Variants in EFCAB14 observed in about 807,000 individuals in gnomAD.
EFCAB14 encodes the protein EF-hand calcium binding domain 14, also known as EF-hand calcium-binding domain-containing protein 14.
A neutral mutation model predicts 56.5 loss-of-function variants in EFCAB14; 43 were observed. The observed-to-expected ratio is 0.76, with a 90% confidence interval of 0.60 to 0.98. The LOEUF is 0.98. Among genes scored for constraint, EFCAB14 ranks in the 50% least tolerant of loss-of-function variants. The probability of loss-of-function intolerance (pLI) is 0.00; values close to 1 mark genes in which losing one functional copy is unlikely to be tolerated. For synonymous variants in EFCAB14, 235 were observed against 212.9 expected (o/e 1.10, Z -0.90); for missense variants, 538 against 580.3 (o/e 0.93, Z 0.75).
chr1:46,677,415 T>C lies in EFCAB14; in HGVS notation c.*1046A>G, dbSNP rs1054592128. 2 of 152,142 alleles carry C rather than the reference T, an allele frequency of 1.3e-5. No homozygotes were observed. The highest frequency in any genetic ancestry group is 2.9e-5 in the Non-Finnish European group (2 of 68,024). 9.4% of individuals were successfully genotyped at this position (152,142 alleles called of 1,614,324 possible). A position where few individuals can be genotyped will look rare whatever the true frequency, so the allele number is the denominator to read the frequency against. On this transcript the variant is annotated 3_prime_UTR_variant, in exon 11 of 11. Coordinates refer to ENST00000371933, the MANE Select transcript of EFCAB14 (RefSeq NM_014774.3). ...ACATATTAGGCTCTTGGTTAGCCTC[T>C]AGGTAAAATCTCAAGGGGTATGGTT...
In EFCAB14 at chr1:46,691,924, A is replaced by G. The variant is rs1357756049; in HGVS notation, c.593T>C (p.Ile198Thr). The G allele has an allele frequency of 5.6e-6, 9 of 1,613,038 alleles. No individual in the cohort carries two copies. The highest frequency in any genetic ancestry group is 1.7e-5 in the Admixed American group (1 of 59,848). Residue 198 changes from isoleucine to threonine, a missense_variant, in exon 5 of 11, where the codon ATT (isoleucine) becomes ACT (threonine). Physicochemically the swap from Ile to Thr is moderately conservative, Grantham distance 89 (BLOSUM62 -1). Transcript: ENST00000371933. ...ATGGACGCTGTTTAAAGTATTGCCA[A>G]TGGAAGCTACACTCTGAATGGAAAC... ...VEGLQKSVAS[I>T]GNTLNSVHLA...
rs1557437331 is a variant in EFCAB14 at position 46,678,366 on chromosome 1, T to TTGGAGGAC, written c.*87_*94dup. The TTGGAGGAC allele has an allele frequency of 3.0e-6, 4 of 1,343,356 alleles. No homozygotes were observed. The African/African-American group carries it at 5.9e-5, about 20-fold the overall frequency. The allele number at this position is 1,343,356 out of a possible 1,614,324, so 83.2% of individuals were successfully genotyped here. The stretch of plus-strand genomic sequence containing the variant: ...GTGGCAAAGTATCTGCTACAGTAGT[T>TTGGAGGAC]TGGAGGACTAGAGGACTGATGGGTA... On this transcript the variant is annotated 3_prime_UTR_variant, in exon 11 of 11. Transcript: ENST00000371933.
At chr1:46,705,231 T>A (rs535997811) in intron 3 of EFCAB14, among the ~76,000 whole-genome samples, 3 of 152,350 alleles carry the variant, frequency 2.0e-5, no homozygotes, top group South Asian at 4.1e-4. Context: ...ACCAATGCTC[T>A]GGGCCTGCGC....
intron 2 of EFCAB14, among the ~76,000 whole-genome samples, chr1:46,713,837 A>G (rs944105348): frequency 5.9e-5 from 9 of 152,210 alleles, no homozygotes; most frequent in African/African-American, 2.2e-4. Flanking sequence ...ACTGTTTCTG[A>G]GAACCTAATT....
At chr1:46,679,599 GT>G (rs60875639) in intron 10 of EFCAB14, among the ~76,000 whole-genome samples, 5 of 36,520 alleles carry the variant, frequency 1.4e-4, no homozygotes, top group African/African-American at 2.1e-4. Context: ...CACCACGCCT[GT>G]TTTTTTTTTT....
rs60875639 is a variant in EFCAB14 at position 46,679,599 on chromosome 1, GTTTTTTTTTTTTTTTTT to G, written c.1313-980_1313-964del. On this transcript the variant is annotated intron_variant, in intron 10 of 10. Coordinates refer to ENST00000371933, the MANE Select transcript of EFCAB14 (RefSeq NM_014774.3). ...ATTATAGGCGTGAACCACCACGCCT[GTTTTTTTTTTTTTTTTT>G]TTTTTTTTTTTTTTGGTGGAGTCTT... Among the ~76,000 whole-genome samples the G allele has an allele frequency of 2.2e-4, 8 of 36,494 alleles. 1 individual carries two copies. The highest frequency in any genetic ancestry group is 7.5e-4 in the African/African-American group (7 of 9,382). The allele number at this position is 36,494 out of a possible 152,430, so 23.9% of individuals were successfully genotyped here.
chr1:46,717,841 T>C (rs1677421360), intron 1 of EFCAB14, 62 bp downstream of exon 1: 2 of 1,537,602 alleles, frequency 1.3e-6, no homozygotes, highest in South Asian at 2.3e-5. Flanking sequence ...TTCCTGTCAA[T>C]GTGGCCCCTT....
rs374519800 is a variant in EFCAB14, at chr1:46,684,573, G to A, written c.1104C>T (p.Ser368=). Residue 368 remains serine (S), a synonymous_variant, in exon 9 of 11, where the codon TCC becomes TCT. Transcript: ENST00000371933. ...KKEDSSNSQV[S]KLREKLQLIS... ...TCAGCTGGAGTTTCTCTCTTAGCTT[G>A]GATACCTGAGAATTTGAACTATCTT... 1 of 1,613,942 alleles carries A rather than the reference G, an allele frequency of 6.2e-7. No individual in the cohort carries two copies. The highest frequency in any genetic ancestry group is 8.5e-7 in the Non-Finnish European group (1 of 1,179,924).
chr1:46,675,986 C>G lies in EFCAB14; in HGVS notation c.*2475G>C, dbSNP rs954015495. The G allele has an allele frequency of 1.3e-5, 2 of 152,200 alleles. No individual in the cohort carries two copies. The highest frequency in any genetic ancestry group is 4.8e-5 in the African/African-American group (2 of 41,458). 9.4% of individuals were successfully genotyped at this position (152,200 alleles called of 1,614,324 possible). A position where few individuals can be genotyped will look rare whatever the true frequency, so the allele number is the denominator to read the frequency against. ...AAACCAAACTCACTATCCAGTCTTC[C>G]TCTCAGAGATGAGATATGGCTGGTG... is the stretch of plus-strand genomic sequence containing the variant. On this transcript the variant is annotated 3_prime_UTR_variant, in exon 11 of 11. Coordinates refer to ENST00000371933, the MANE Select transcript of EFCAB14 (RefSeq NM_014774.3).
chr1:46,716,258 A>G, intron 2 of EFCAB14, 37 bp downstream of exon 2: 1 of 1,451,926 alleles, frequency 6.9e-7, no homozygotes, highest in Non-Finnish European at 9.0e-7. Flanking sequence ...CAAAAAAAAA[A>G]AAAAAAAAAA....
At chr1:46,681,368 C>T (rs1045019761) in intron 10 of EFCAB14, among the ~76,000 whole-genome samples, 1 of 152,208 alleles carries the variant, frequency 6.6e-6, no homozygotes, top group Admixed American at 6.5e-5. Flanking sequence ...AAAATCTTCC[C>T]AAACTCCTTT....
chr1:46,719,049 G>C lies in EFCAB14; in HGVS notation c.-962C>G, dbSNP rs1243400999. 6.3e-6 allele frequency: 1 copy of C among 158,776 alleles called. No homozygotes were observed. The highest frequency in any genetic ancestry group is 1.4e-5 in the Non-Finnish European group (1 of 72,958). The allele number at this position is 158,776 out of a possible 1,614,324, so 9.8% of individuals were successfully genotyped here. On this transcript the variant is annotated 5_prime_UTR_variant, in exon 1 of 11. Transcript: ENST00000371933. This position sits in a 1 kb window ranked among gnomAD's most constrained non-coding sequence, Gnocchi z 4.0. ...ACACGTTGTTGTTGGCGTTGGTGGC[G>C]GCGGCTGCGGCGGCGGCGGCCGCGA...
chr1:46,693,644 G>A (rs1307634762), intron 4 of EFCAB14, among the ~76,000 whole-genome samples: 1 of 152,204 alleles, frequency 6.6e-6, no homozygotes, highest in Non-Finnish European at 1.5e-5. Flanking sequence ...CTGGATGTAT[G>A]AACCCATTGG....
At chr1:46,707,492 G>A (rs1677250102) in intron 3 of EFCAB14, among the ~76,000 whole-genome samples, 1 of 152,170 alleles carries the variant, frequency 6.6e-6, no homozygotes, top group Non-Finnish European at 1.5e-5. Flanking sequence ...TTCTTAGAAT[G>A]ACTACTGTTG....
intron 3 of EFCAB14, among the ~76,000 whole-genome samples, chr1:46,697,317 C>G (rs775257222): frequency 3.3e-5 from 5 of 152,240 alleles, no homozygotes; most frequent in Non-Finnish European, 7.4e-5. Context: ...GGAATTTAAT[C>G]AAAATAAAAT....
intron 3 of EFCAB14, among the ~76,000 whole-genome samples, chr1:46,706,936 T>G (rs1189641419): frequency 1.3e-5 from 2 of 152,244 alleles, no homozygotes; most frequent in Non-Finnish European, 2.9e-5. Flanking sequence ...AAACATTTTT[T>G]ACTGCAGGTT....
At chr1:46,700,967 G>A (rs545111856) in intron 3 of EFCAB14, among the ~76,000 whole-genome samples, 15 of 101,354 alleles carry the variant, frequency 1.5e-4, no homozygotes, top group Non-Finnish European at 2.5e-4. Flanking sequence ...GAGAGAGAGA[G>A]AGAGAGAGAG....
intron 10 of EFCAB14, 124 bp from the exon 11 acceptor site, chr1:46,678,760 G>T: frequency 2.4e-6 from 2 of 823,746 alleles, no homozygotes; most frequent in Admixed American, 3.7e-5. Context: ...GTTTCCAAAT[G>T]GTAAAGTTTA....
chr1:46,716,065 T>A (rs1288004043), intron 2 of EFCAB14, among the ~76,000 whole-genome samples: 3 of 151,656 alleles, frequency 2.0e-5, no homozygotes, highest in Admixed American at 6.6e-5. Context: ...CTGGCCAACA[T>A]GGTGAAACCC....
Sources: gnomAD v4.1 joint callset for allele counts (sites outside exome capture counted in the v4.1 genomes callset) on GRCh38, gnomAD v4.1.1 for gene constraint, Gnocchi (gnomAD v3.1) non-coding constraint, MANE v1.5 for transcripts, NCBI Gene and HGNC (gene_info 2026-07-23, HGNC 2026-07-21) for gene names.